The following TCP11L1 variants were observed in gnomAD, a reference collection of about 807,000 sequenced individuals.
TCP11L1 encodes the protein t-complex 11 like 1, also known as T-complex protein 11-like protein 1.
In TCP11L1, 28 loss-of-function variants were observed where a neutral mutation model predicts 48.9. The ratio of observed to expected loss-of-function variants is 0.57; its 90% CI spans 0.42 to 0.78. TCP11L1 has a LOEUF of 0.78. Ranked by LOEUF, TCP11L1 falls within the 30% of genes least tolerant of loss-of-function variation. The pLI, the probability that TCP11L1 is intolerant of heterozygous loss-of-function variation, is 0.00. For synonymous variants in TCP11L1, 204 were observed against 231.9 expected, an observed-to-expected ratio of 0.88 and a Z score of 1.09; for missense variants, 505 against 613.4, an observed-to-expected ratio of 0.82 and a Z score of 1.87.
chr11:33,043,736 T>C lies in TCP11L1; in HGVS notation c.-24-14T>C, dbSNP rs1449865555. On this transcript the variant is annotated splice_polypyrimidine_tract_variant and intron_variant, in intron 1 of 9. Transcript: ENST00000334274. ...ATACTTTTAGTTCTTTTTTTTTGTT[T>C]TTTTCTTTCCTAGGAAAGTGAATAA... The C allele has an allele frequency of 6.4e-7, 1 of 1,570,774 alleles. No individual in the cohort carries two copies. The highest frequency in any genetic ancestry group is 1.2e-5 in the South Asian group (1 of 83,858).
chr11:33,059,185 C>A, intron 6 of TCP11L1, 90 bp downstream of exon 6: 1 of 1,514,220 alleles, frequency 6.6e-7, no homozygotes, highest in Non-Finnish European at 8.9e-7. Flanking sequence ...ATTTTCAGAA[C>A]AAAACTAAAA....
chr11:33,055,966 C>T (rs1487486429), intron 3 of TCP11L1, among the ~76,000 whole-genome samples: 5 of 152,060 alleles, frequency 3.3e-5, no homozygotes, highest in Admixed American at 1.3e-4. Flanking sequence ...TATAGGCGTG[C>T]GCCACCATGC....
rs146379561 is a variant in TCP11L1 at position 33,043,799 on chromosome 11, A to T, written c.26A>T (p.Asn9Ile). 1.9e-6 allele frequency: 3 copies of T among 1,613,296 alleles called. No homozygotes were observed. Among genetic ancestry groups the T allele is most frequent in the Non-Finnish European group, 8.5e-7 (1 of 1,179,796 alleles). Reference sequence around the variant, plus strand: ...ATGTCTGAAAACCTTGACAAGTCCAATGTAAATGAAGCAGGAAAATCAAAA... The same window carrying T: ...ATGTCTGAAAACCTTGACAAGTCCATTGTAAATGAAGCAGGAAAATCAAAA... Reference protein sequence around the residue: MSENLDKSNVNEAGKSKSN... With the variant: MSENLDKSIVNEAGKSKSN... The change falls in exon 2 of 10, where the codon AAT (asparagine) becomes ATT (isoleucine). Residue 9 changes from asparagine to isoleucine, a missense_variant. By Grantham distance (149) the Asn-to-Ile change is moderately radical. Coordinates refer to ENST00000334274, the MANE Select transcript of TCP11L1 (RefSeq NM_018393.4).
In TCP11L1 at chr11:33,053,423, G is replaced by A. The variant is rs780653970; in HGVS notation, c.164-1170G>A. Among the ~76,000 whole-genome samples the A allele has an allele frequency of 1.3e-3, 205 of 152,080 alleles. 1 individual carries two copies. The highest frequency in any genetic ancestry group is 1.0e-3 in the Admixed American group (16 of 15,260). On this transcript the variant is annotated intron_variant, in intron 2 of 9. Transcript: ENST00000334274. ...ATCTCCCAAAGTGCTGGGATTACAG[G>A]TGTGAGCCTTGCCTTATCATAGGCT...
intron 1 of TCP11L1, among the ~76,000 whole-genome samples, chr11:33,041,757 A>T (rs567111141): frequency 6.8e-5 from 10 of 146,686 alleles, no homozygotes; most frequent in African/African-American, 2.3e-4. Flanking sequence ...GTCTGTCCCC[A>T]AAAAAAAAAC....
intron 3 of TCP11L1, 135 bp from the exon 4 acceptor site, chr11:33,056,980 C>A: frequency 2.4e-6 from 3 of 1,260,646 alleles, no homozygotes; most frequent in South Asian, 1.5e-5. Flanking sequence ...TGAAGTATGC[C>A]TGGGAAATCT....
intron 1 of TCP11L1, among the ~76,000 whole-genome samples, chr11:33,042,165 C>G (rs1004539240): frequency 5.3e-5 from 8 of 152,182 alleles, no homozygotes; most frequent in African/African-American, 1.9e-4. Context: ...GAGTCTCAGT[C>G]TGTTGCCCAG....
At chr11:33,044,451 G>A (rs1156519882) in intron 2 of TCP11L1, among the ~76,000 whole-genome samples, 1 of 152,182 alleles carries the variant, frequency 6.6e-6, no homozygotes, top group Non-Finnish European at 1.5e-5. Context: ...TGAAAGGGTG[G>A]CAATATCTTC....
At position 33,041,756 on chromosome 11, in the gene TCP11L1, C is replaced by CA. The variant is rs113352878; in HGVS notation, c.-25+1974dup. 8.6e-3 allele frequency among the ~76,000 whole-genome samples: 1,238 copies of CA among 143,948 alleles called. 11 individuals are homozygous for CA. Among genetic ancestry groups the CA allele is most frequent in the African/African-American group, 0.028 (1,090 of 39,350 alleles). 94.4% of individuals were successfully genotyped at this position (143,948 alleles called of 152,430 possible). A position where few individuals can be genotyped will look rare whatever the true frequency, so the allele number is the denominator to read the frequency against. The stretch of plus-strand genomic sequence containing the variant: ...GGGGAACAGTGCAAGAGTCTGTCCC[C>CA]AAAAAAAAAACAAAAAAACAGGCCT... On this transcript the variant is annotated intron_variant, in intron 1 of 9. Coordinates refer to ENST00000334274, the MANE Select transcript of TCP11L1 (RefSeq NM_018393.4).
At chr11:33,070,829 C>T (rs532550489) in intron 9 of TCP11L1, among the ~76,000 whole-genome samples, 1 of 151,928 alleles carries the variant, frequency 6.6e-6, no homozygotes, top group African/African-American at 2.4e-5. Context: ...TGGTGAAACC[C>T]CGTCTCTACA....
chr11:33,052,933 G>T (rs968027192), intron 2 of TCP11L1, among the ~76,000 whole-genome samples: 2 of 152,076 alleles, frequency 1.3e-5, no homozygotes, highest in African/African-American at 4.8e-5. Flanking sequence ...GTTGAGGCTG[G>T]GGTGAGCCAT....
In TCP11L1 at chr11:33,039,655, G is replaced by A. The variant is rs1442777587; in HGVS notation, c.-162G>A. Reference sequence around the variant, plus strand: ...GGCTGGGAGGACCGCCCGCCGCGTGGCGAGGGATGCGGCCTCGGAGGGGCA... The same window carrying A: ...GGCTGGGAGGACCGCCCGCCGCGTGACGAGGGATGCGGCCTCGGAGGGGCA... On this transcript the variant is annotated 5_prime_UTR_variant, in exon 1 of 10. Transcript: ENST00000334274. 6.6e-6 allele frequency: 1 copy of A among 152,288 alleles called. No homozygotes were observed. The highest frequency in any genetic ancestry group is 6.5e-5 in the Admixed American group (1 of 15,290). 9.4% of individuals were successfully genotyped at this position (152,288 alleles called of 1,614,324 possible). A position where few individuals can be genotyped will look rare whatever the true frequency, so the allele number is the denominator to read the frequency against.
chr11:33,044,996 C>G (rs1330420081), intron 2 of TCP11L1, among the ~76,000 whole-genome samples: 1 of 152,144 alleles, frequency 6.6e-6, no homozygotes, highest in Non-Finnish European at 1.5e-5. Context: ...GTAATAAATG[C>G]TTAATAAACA....
intron 2 of TCP11L1, among the ~76,000 whole-genome samples, chr11:33,050,047 A>G (rs1854113492): frequency 1.3e-5 from 2 of 149,446 alleles, no homozygotes; most frequent in South Asian, 2.2e-4. Flanking sequence ...GACTTTTAAC[A>G]AGCATACTGC....
At chr11:33,045,116 C>T (rs968491013) in intron 2 of TCP11L1, among the ~76,000 whole-genome samples, 2 of 151,650 alleles carry the variant, frequency 1.3e-5, no homozygotes, top group Admixed American at 1.3e-4. Context: ...GCACTTTGGG[C>T]GGCTGAGGCA....
chr11:33,065,374 C>T (rs1271750764), intron 7 of TCP11L1, among the ~76,000 whole-genome samples: 17 of 152,174 alleles, frequency 1.1e-4, no homozygotes, highest in Non-Finnish European at 7.3e-5. Flanking sequence ...AGAGATTCTC[C>T]TGCCTCATCC....
chr11:33,046,009 G>A (rs1458018119), intron 2 of TCP11L1, among the ~76,000 whole-genome samples: 1 of 152,258 alleles, frequency 6.6e-6, no homozygotes, highest in Non-Finnish European at 1.5e-5. Context: ...GAGCCTAGGA[G>A]TGCTAGAAGC....
intron 1 of TCP11L1, among the ~76,000 whole-genome samples, chr11:33,042,300 T>G (rs1266358459): frequency 6.6e-6 from 1 of 152,156 alleles, no homozygotes; most frequent in Non-Finnish European, 1.5e-5. Context: ...AGGCCAATTT[T>G]TTAATATTTT....
At chr11:33,047,473 C>T (rs970311979) in intron 2 of TCP11L1, among the ~76,000 whole-genome samples, 1 of 152,146 alleles carries the variant, frequency 6.6e-6, no homozygotes, top group Admixed American at 6.5e-5. Context: ...CCTAGTTGAC[C>T]AGTAAAAGAT....
Sources: allele counts gnomAD v4.1 joint callset (sites outside exome capture counted in the v4.1 genomes callset), GRCh38; gene constraint gnomAD v4.1.1; transcripts MANE v1.5; gene names NCBI Gene and HGNC (gene_info 2026-07-23, HGNC 2026-07-21).